The following NEK1 variants were observed in gnomAD, a reference collection of about 807,000 sequenced individuals.
NEK1 encodes NIMA related kinase 1, also known as serine/threonine-protein kinase Nek1.
In NEK1, 137 loss-of-function variants were observed where a neutral mutation model predicts 182.1. The ratio of observed to expected loss-of-function variants is 0.75; its 90% CI spans 0.65 to 0.87. NEK1 has a LOEUF of 0.87. Among genes scored for constraint, NEK1 ranks in the 40% least tolerant of loss-of-function variants. The pLI is 0.00. For synonymous variants in NEK1, 513 were observed against 492.2 expected (o/e 1.04, Z -0.56); for missense variants, 1,391 against 1,494.4 (o/e 0.93, Z 1.14).
intron 19 of NEK1, among the ~76,000 whole-genome samples, chr4:169,535,185 T>C (rs981338833): frequency 6.6e-6 from 1 of 151,802 alleles, no homozygotes; most frequent in Non-Finnish European, 1.5e-5. Context: ...TAGCCGGCTA[T>C]GGTGGCACAT....
In NEK1 at chr4:169,445,503, C is replaced by A. The variant is rs72691063; in HGVS notation, c.2588-7244G>T. Among the ~76,000 whole-genome samples the A allele has an allele frequency of 4.0e-3, 608 of 152,074 alleles. 5 individuals carry two copies. Among genetic ancestry groups the A allele is most frequent in the South Asian group, 0.031 (147 of 4,806 alleles). On this transcript the variant is annotated intron_variant, in intron 27 of 35. Coordinates refer to ENST00000507142, the MANE Select transcript of NEK1 (RefSeq NM_001199397.3). ...CTAGAAAAGCAAAAAAAGGTCAAATCCAAAATTAGTAAAAGCAGCAACATG... is the reference window on the plus strand; with the variant it reads ...CTAGAAAAGCAAAAAAAGGTCAAATACAAAATTAGTAAAAGCAGCAACATG...
chr4:169,499,449 C>T (rs530698107), intron 23 of NEK1, among the ~76,000 whole-genome samples: 4 of 152,342 alleles, frequency 2.6e-5, no homozygotes, highest in Admixed American at 2.6e-4. Flanking sequence ...TGGTGAGGAG[C>T]TGCATTCCTT....
At chr4:169,481,769 A>G (rs1467461213) in intron 23 of NEK1, among the ~76,000 whole-genome samples, 2 of 152,184 alleles carry the variant, frequency 1.3e-5, no homozygotes, top group Non-Finnish European at 2.9e-5. Context: ...GCAAATGAGC[A>G]CTGGCTTCAA....
At chr4:169,588,757 T>C in intron 7 of NEK1, 22 bp from the exon 8 acceptor site, 1 of 1,440,106 alleles carries the variant, frequency 6.9e-7, no homozygotes, top group Non-Finnish European at 9.6e-7. Flanking sequence ...ATAAAATTAT[T>C]GGAGAAGTTA....
At chr4:169,394,935 T>G (rs1730440469) in intron 35 of NEK1, among the ~76,000 whole-genome samples, 1 of 152,176 alleles carries the variant, frequency 6.6e-6, no homozygotes, top group Non-Finnish European at 1.5e-5. Context: ...GGTGCATGGG[T>G]GATCACTGTA....
chr4:169,600,801 G>A (rs1770362493), intron 4 of NEK1, among the ~76,000 whole-genome samples: 1 of 152,118 alleles, frequency 6.6e-6, no homozygotes, highest in Non-Finnish European at 1.5e-5. Context: ...TATCATTTAT[G>A]TTTGATGCTA....
At chr4:169,608,393 GA>G (rs1771749971) in intron 2 of NEK1, among the ~76,000 whole-genome samples, 1 of 152,000 alleles carries the variant, frequency 6.6e-6, no homozygotes, top group Non-Finnish European at 1.5e-5. Flanking sequence ...GCCATGTGGG[GA>G]AAAAAAGTTA....
intron 18 of NEK1, among the ~76,000 whole-genome samples, chr4:169,541,091 A>G (rs979927331): frequency 7.9e-5 from 12 of 152,132 alleles, no homozygotes; most frequent in Non-Finnish European, 1.2e-4. Flanking sequence ...GGTAATGGAG[A>G]TAATCTGAGA....
intron 24 of NEK1, chr4:169,478,481 A>G (rs1747382973): frequency 6.6e-6 from 1 of 152,114 alleles, no homozygotes; most frequent in Non-Finnish European, 1.5e-5. Flanking sequence ...TGGCACACGC[A>G]AAGTCGTTAT....
intron 11 of NEK1, 55 bp from the exon 12 acceptor site, chr4:169,577,134 C>T (rs1765816765): frequency 2.6e-6 from 4 of 1,544,064 alleles, no homozygotes; most frequent in Non-Finnish European, 2.7e-6. Flanking sequence ...TAACTCTTTA[C>T]TTTCAGAATT....
chr4:169,608,307 T>C (rs1425034753), intron 2 of NEK1, among the ~76,000 whole-genome samples: 1 of 152,150 alleles, frequency 6.6e-6, no homozygotes, highest in African/African-American at 2.4e-5. Flanking sequence ...ATAATCATAG[T>C]GACATTTCAA....
intron 5 of NEK1, among the ~76,000 whole-genome samples, chr4:169,593,181 C>G (rs1768829793): frequency 6.6e-6 from 1 of 151,736 alleles, no homozygotes; most frequent in African/African-American, 2.4e-5. Flanking sequence ...GCTCAGAGAT[C>G]AGGGGTCAGC....
intron 29 of NEK1, among the ~76,000 whole-genome samples, chr4:169,429,628 C>A (rs1406725378): frequency 6.6e-6 from 1 of 151,980 alleles, no homozygotes; most frequent in Non-Finnish European, 1.5e-5. Context: ...ACTCACTCTT[C>A]TTTGAGGAGG....
At chr4:169,543,915 C>T (rs1341033714) in intron 18 of NEK1, among the ~76,000 whole-genome samples, 3 of 152,112 alleles carry the variant, frequency 2.0e-5, no homozygotes, top group African/African-American at 7.2e-5. Context: ...ATATACAATC[C>T]ATGTTATCTG....
rs141863651 is a variant in NEK1, at chr4:169,562,002, TA to T, written c.1081-112del. Reference sequence around the variant, plus strand: ...GGTATGTTCAATGAGGTTTTTTTTTTAAAAAAAAAAAGAAGTTATAGGTATT... The same window carrying T: ...GGTATGTTCAATGAGGTTTTTTTTTTAAAAAAAAAAGAAGTTATAGGTATT... On this transcript the variant is annotated intron_variant, in intron 13 of 35. Coordinates refer to ENST00000507142, the MANE Select transcript of NEK1 (RefSeq NM_001199397.3). 383 of 856,982 alleles carry T rather than the reference TA, an allele frequency of 4.5e-4. 1 individual carries two copies. Among genetic ancestry groups the T allele is most frequent in the East Asian group, 2.1e-3 (64 of 31,044 alleles). 53.1% of individuals were successfully genotyped at this position (856,982 alleles called of 1,614,324 possible).
intron 26 of NEK1, among the ~76,000 whole-genome samples, chr4:169,476,355 A>G (rs139510543): frequency 2.3e-4 from 35 of 152,180 alleles, no homozygotes; most frequent in African/African-American, 8.4e-4. Context: ...TTATCTCTTT[A>G]CTTGCCTGCC....
At chr4:169,410,606 A>C (rs557713061) in intron 31 of NEK1, among the ~76,000 whole-genome samples, 2 of 152,368 alleles carry the variant, frequency 1.3e-5, no homozygotes, top group East Asian at 3.8e-4. Flanking sequence ...TTCAACCGAT[A>C]CATCAGGCTC....
At chr4:169,459,587 T>A (rs574951258) in intron 27 of NEK1, among the ~76,000 whole-genome samples, 1 of 152,352 alleles carries the variant, frequency 6.6e-6, no homozygotes, top group South Asian at 2.1e-4. Context: ...GATGTTTATA[T>A]CATCTTTATT....
intron 2 of NEK1, among the ~76,000 whole-genome samples, chr4:169,611,168 T>G (rs1472566803): frequency 6.6e-6 from 1 of 152,232 alleles, no homozygotes; most frequent in East Asian, 1.9e-4. Context: ...CAAAATTTAC[T>G]TGGAATACAA....
Sources: gnomAD v4.1 joint callset for allele counts (sites outside exome capture counted in the v4.1 genomes callset) on GRCh38, gnomAD v4.1.1 for gene constraint, MANE v1.5 for transcripts, NCBI Gene and HGNC (gene_info 2026-07-23, HGNC 2026-07-21) for gene names.